Variants in ANAPC4 observed in about 807,000 individuals in gnomAD.
ANAPC4 encodes anaphase promoting complex subunit 4.
ANAPC4 carries 63 observed loss-of-function variants against 119.8 expected under a neutral mutation model. The observed-to-expected ratio is 0.53, with a 90% CI of 0.43 to 0.65. ANAPC4 has a LOEUF of 0.65. ANAPC4 is among the 30% of genes least tolerant of loss of function. The pLI, the probability that ANAPC4 is intolerant of heterozygous loss-of-function variation, is 0.00. For missense variants in ANAPC4, 716 were observed against 945.1 expected, an observed-to-expected ratio of 0.76 and a Z score of 3.18; for synonymous variants, 283 against 318.6, an observed-to-expected ratio of 0.89 and a Z score of 1.19.
chr4:25,413,591 T>C, intron 21 of ANAPC4, 54 bp from the exon 22 acceptor site: 1 of 1,394,022 alleles, frequency 7.2e-7, no homozygotes, highest in Non-Finnish European at 1.0e-6. Context: ...TTCTTCTAAT[T>C]ATAAGTTTGC....
At position 25,405,096 on chromosome 4, in the gene ANAPC4, G is replaced by A. The variant is rs926033089; in HGVS notation, c.1271-477G>A. ...GATGAGGACAATCCTGTGAAAGGAC[G>A]GAGAGAGTCAACCACAGATACTAGA... On this transcript the variant is annotated intron_variant, in intron 17 of 28. Coordinates refer to ENST00000315368, the MANE Select transcript of ANAPC4 (RefSeq NM_013367.3). The surrounding 1 kb of genome is among the most constrained non-coding windows in gnomAD (Gnocchi z 4.6). 1.1e-4 allele frequency among the ~76,000 whole-genome samples: 17 copies of A among 150,860 alleles called. No individual in the cohort carries two copies. Among genetic ancestry groups the A allele is most frequent in the Middle Eastern group, 3.2e-3 (1 of 316 alleles).
At chr4:25,418,128 A>T in intron 28 of ANAPC4, 27 bp from the exon 29 acceptor site, 2 of 1,580,202 alleles carry the variant, frequency 1.3e-6, no homozygotes, top group Non-Finnish European at 1.7e-6. Context: ...TAATTTAAAA[A>T]TGCTTTTATG....
In ANAPC4 at chr4:25,394,299, CT is replaced by C. The variant is rs148256045; in HGVS notation, c.877-5del. The C allele has an allele frequency of 2.5e-6, 4 of 1,568,648 alleles. No homozygotes were observed. The highest frequency in any genetic ancestry group is 4.7e-5 in the East Asian group (2 of 42,826). On this transcript the variant is annotated splice_polypyrimidine_tract_variant and intron_variant, in intron 11 of 28. Transcript: ENST00000315368. Reference sequence around the variant, plus strand: ...TACATATATCACAATTTTTTTTTCACTTTTTTCCAGGAAAAGAACACAACCA... The same window carrying C: ...TACATATATCACAATTTTTTTTTCACTTTTTCCAGGAAAAGAACACAACCA...
rs775248115 is a variant in ANAPC4 at position 25,418,285 on chromosome 4, C to T, written c.2330C>T (p.Ser777Leu). 44 of 1,613,862 alleles carry T rather than the reference C, an allele frequency of 2.7e-5. No homozygotes were observed. The highest frequency in any genetic ancestry group is 4.0e-5 in the African/African-American group (3 of 74,878). Reference protein sequence around the residue: ...KPVKIKEEVLSESEAENQQAG... With the variant: ...KPVKIKEEVLLESEAENQQAG... ...GTAAAAATAAAGGAAGAAGTGTTGTCGGAGTCAGAGGCAGAGAACCAACAA... is the reference window on the plus strand; with the variant it reads ...GTAAAAATAAAGGAAGAAGTGTTGTTGGAGTCAGAGGCAGAGAACCAACAA... Residue 777 changes from serine to leucine, a missense_variant, in exon 29 of 29, where the codon TCG (serine) becomes TTG (leucine). This residue lies in a region of ANAPC4 where 504 missense variants were observed against 615.8 expected (regional missense o/e 0.82). Transcript: ENST00000315368.
Position 25,393,906 on chromosome 4 carries a change from G to A in ANAPC4, c.876+15G>A, listed in dbSNP as rs1444748440. 9 of 1,592,884 alleles carry A rather than the reference G, an allele frequency of 5.7e-6. No individual in the cohort carries two copies. Among genetic ancestry groups the A allele is most frequent in the Non-Finnish European group, 7.7e-6 (9 of 1,167,738 alleles). On this transcript the variant is annotated intron_variant, in intron 11 of 28. Transcript: ENST00000315368. ...AGTTTGTGCAGGTAAAGCAGCTGAA[G>A]TTTCCCATGGAGAGAGTTAAAGAAT...
At chr4:25,380,269 A>G in intron 2 of ANAPC4, 105 bp from the exon 3 acceptor site, 1 of 678,534 alleles carries the variant, frequency 1.5e-6, no homozygotes, top group Non-Finnish European at 2.5e-6. Context: ...AGCTAAGTAT[A>G]TATGAGAGAT....
At chr4:25,387,510 A>C (rs1722104397) in intron 4 of ANAPC4, among the ~76,000 whole-genome samples, 1 of 152,194 alleles carries the variant, frequency 6.6e-6, no homozygotes, top group Non-Finnish European at 1.5e-5. Flanking sequence ...AATATGTAGA[A>C]TGTTAGAGGG....
chr4:25,400,566 A>C (rs999706365), intron 16 of ANAPC4, among the ~76,000 whole-genome samples: 6 of 152,190 alleles, frequency 3.9e-5, no homozygotes, highest in African/African-American at 1.4e-4. Flanking sequence ...CACTAATGGA[A>C]CAGGAGGGCT....
intron 2 of ANAPC4, among the ~76,000 whole-genome samples, chr4:25,379,628 G>A (rs1489643467): frequency 6.6e-6 from 1 of 152,196 alleles, no homozygotes; most frequent in Admixed American, 6.5e-5. Context: ...GATGACACCT[G>A]ACCATGAGCT....
intron 20 of ANAPC4, 82 bp downstream of exon 20, chr4:25,407,335 A>G (rs1577394778): frequency 9.4e-7 from 1 of 1,068,182 alleles, no homozygotes; most frequent in Non-Finnish European, 1.4e-6. Context: ...TACAATACCA[A>G]GTAATACAGG....
chr4:25,383,399 T>C lies in ANAPC4; in HGVS notation c.368+6T>C, dbSNP rs779068339. ...GAAGTGACAGTAGAAAGCAGGTAAT[T>C]AGAAAAACTTATGTAGTCATAGGGT... On this transcript the variant is annotated splice_donor_region_variant and intron_variant, in intron 4 of 28. Coordinates refer to ENST00000315368, the MANE Select transcript of ANAPC4 (RefSeq NM_013367.3). 4 of 1,597,446 alleles carry C rather than the reference T, an allele frequency of 2.5e-6. No homozygotes were observed. Among genetic ancestry groups the C allele is most frequent in the South Asian group, 1.2e-5 (1 of 86,534 alleles).
intron 2 of ANAPC4, 66 bp downstream of exon 2, chr4:25,377,622 C>T (rs1446926410): frequency 1.3e-6 from 2 of 1,495,028 alleles, no homozygotes; most frequent in Admixed American, 4.1e-5. Flanking sequence ...AACACCGAGC[C>T]CGAGCCTGTT....
chr4:25,392,688 T>A (rs938267923), intron 10 of ANAPC4, among the ~76,000 whole-genome samples: 5 of 121,154 alleles, frequency 4.1e-5, no homozygotes, highest in African/African-American at 1.2e-4. Flanking sequence ...TAAAGTATTG[T>A]GGGAAAAACA....
At chr4:25,377,649 G>A in intron 2 of ANAPC4, 93 bp downstream of exon 2, 2 of 1,490,680 alleles carry the variant, frequency 1.3e-6, no homozygotes, top group Non-Finnish European at 8.9e-7. Flanking sequence ...GGCCACAGGC[G>A]GCCGGAGCCT....
At chr4:25,413,930 CGT>C (rs72141989) in intron 22 of ANAPC4, 188 bp downstream of exon 22, 27,592 of 474,438 alleles carry the variant, frequency 0.058, 334 homozygotes, top group East Asian at 0.12. Flanking sequence ...TTCTTACACA[CGT>C]GTGTGTGTGT....
In ANAPC4 at chr4:25,394,700, A is replaced by G. The variant is rs1277014882; in HGVS notation, c.971A>G (p.Gln324Arg). The change falls in exon 13 of 29, where the codon CAG becomes CGG. Residue 324 changes from glutamine (Q) to arginine (R), a missense_variant. Transcript: ENST00000315368. ...GAACTTCAGACTCTCTTGATGAATCAGTTAACAGTAAAGGTGCAGTTAATG... is the reference window on the plus strand; with the variant it reads ...GAACTTCAGACTCTCTTGATGAATCGGTTAACAGTAAAGGTGCAGTTAATG... ...SAELQTLLMNQLTVKGLKKLG... is the reference protein window; with the variant it reads ...SAELQTLLMNRLTVKGLKKLG... 7 of 1,603,642 alleles carry G rather than the reference A, an allele frequency of 4.4e-6. No homozygotes were observed. Among genetic ancestry groups the G allele is most frequent in the Non-Finnish European group, 5.9e-6 (7 of 1,177,304 alleles).
At chr4:25,408,874 ACT>A (rs1163799969) in intron 20 of ANAPC4, among the ~76,000 whole-genome samples, 3 of 152,134 alleles carry the variant, frequency 2.0e-5, no homozygotes, top group African/African-American at 7.2e-5. Flanking sequence ...CCTATGTATA[ACT>A]CTCAATTCTG....
intron 21 of ANAPC4, among the ~76,000 whole-genome samples, chr4:25,411,750 C>T (rs1560447278): frequency 6.6e-6 from 1 of 152,178 alleles, no homozygotes; most frequent in Non-Finnish European, 1.5e-5. Flanking sequence ...AGCACTTAGA[C>T]TAATGCCTGG....
At chr4:25,413,946 T>C in intron 22 of ANAPC4, 2 of 529,400 alleles carry the variant, frequency 3.8e-6, no homozygotes, top group Non-Finnish European at 6.6e-6. Context: ...TGTGTGTGTG[T>C]GTGTGTATAA....
Sources: gnomAD v4.1 joint callset for allele counts (sites outside exome capture counted in the v4.1 genomes callset) on GRCh38, gnomAD v4.1.1 for gene constraint, gnomAD v4.1.1 regional missense constraint, Gnocchi (gnomAD v3.1) non-coding constraint, MANE v1.5 for transcripts, NCBI Gene and HGNC (gene_info 2026-07-23, HGNC 2026-07-21) for gene names.